Variants in ADRA1A observed in about 807,000 individuals in gnomAD.
The protein encoded by ADRA1A is alpha-1A adrenergic receptor.
In ADRA1A, 31 loss-of-function variants were observed where a neutral mutation model predicts 29.6. The ratio of observed to expected loss-of-function variants is 1.05; its 90% CI spans 0.79 to 1.41. ADRA1A has a LOEUF of 1.41. ADRA1A is among the 40% of genes most tolerant of loss of function. ADRA1A has a pLI of 0.00. For missense variants in ADRA1A, 619 were observed against 601.1 expected (o/e 1.03, Z -0.31); for synonymous variants, 311 against 254.3 (o/e 1.22, Z -2.12).
chr8:26,792,752 C>G (rs999735461), intron 2 of ADRA1A, among the ~76,000 whole-genome samples: 2 of 147,238 alleles, frequency 1.4e-5, no homozygotes, highest in African/African-American at 5.1e-5. Context: ...ATTGTTATTA[C>G]CACTATATAA....
At chr8:26,786,176 C>A (rs536408205) in intron 2 of ADRA1A, among the ~76,000 whole-genome samples, 1 of 152,296 alleles carries the variant, frequency 6.6e-6, no homozygotes, top group African/African-American at 2.4e-5. Context: ...CCTGGCCTGC[C>A]TTTCACTCTC....
rs1283738070 is a variant in ADRA1A at position 26,775,981 on chromosome 8, T to C, written c.884-5315A>G. On this transcript the variant is annotated intron_variant, in intron 2 of 2. Coordinates refer to ENST00000380573, the MANE Select transcript of ADRA1A (RefSeq NM_000680.4). This position sits in a 1 kb window ranked among gnomAD's most constrained non-coding sequence, Gnocchi z 4.1. ...CATTGGGAAAATCTGACTTCATTTTTGAACTGGGGCTCATCTAATAGGCTT... is the reference window on the plus strand; with the variant it reads ...CATTGGGAAAATCTGACTTCATTTTCGAACTGGGGCTCATCTAATAGGCTT... Among the ~76,000 whole-genome samples the C allele has an allele frequency of 6.6e-6, 1 of 152,224 alleles. No individual in the cohort carries two copies. The highest frequency in any genetic ancestry group is 6.5e-5 in the Admixed American group (1 of 15,280).
chr8:26,839,409 C>T (rs537529732), intron 2 of ADRA1A, among the ~76,000 whole-genome samples: 11 of 152,220 alleles, frequency 7.2e-5, no homozygotes, highest in African/African-American at 2.4e-4. Flanking sequence ...CCACCTGCCT[C>T]GGCCCCCCAA....
At chr8:26,757,512 T>TCCCCCCCCC (rs1428337716) in intron 2 of ADRA1A, among the ~76,000 whole-genome samples, 1 of 147,484 alleles carries the variant, frequency 6.8e-6, no homozygotes, top group African/African-American at 2.6e-5. Context: ...TGCTTCCATT[T>TCCCCCCCCC]CCCCCACCCC....
In ADRA1A at chr8:26,846,494, C is replaced by A. The variant is rs181976923; in HGVS notation, c.883+17593G>T. On this transcript the variant is annotated intron_variant, in intron 2 of 2. Coordinates refer to ENST00000380573, the MANE Select transcript of ADRA1A (RefSeq NM_000680.4). ...TGACAGAAAGAGATCTTGGGCCAGG[C>A]GCAGTGGCTCATGCCTGTAATCCTA... Among the ~76,000 whole-genome samples the A allele has an allele frequency of 2.0e-5, 3 of 152,144 alleles. No homozygotes were observed. The East Asian group carries it at 5.8e-4, about 29-fold the overall frequency.
At position 26,775,288 on chromosome 8, in the gene ADRA1A, G is replaced by A. The variant is rs61760529; in HGVS notation, c.884-4622C>T. On this transcript the variant is annotated intron_variant, in intron 2 of 2. Transcript: ENST00000380573. The surrounding 1 kb of genome is among the most constrained non-coding windows in gnomAD (Gnocchi z 4.1). ...AGTGTGGCTTGGTTTTCTTTTCTGC[G>A]TGATGGCTGTAGCCTCATATTATCT... Among the ~76,000 whole-genome samples, 19 of 152,136 alleles carry A rather than the reference G, an allele frequency of 1.2e-4. No individual in the cohort carries two copies. The highest frequency in any genetic ancestry group is 2.1e-4 in the Non-Finnish European group (14 of 68,034).
chr8:26,847,824 C>A (rs1342824262), intron 2 of ADRA1A, among the ~76,000 whole-genome samples: 2 of 152,208 alleles, frequency 1.3e-5, no homozygotes, highest in African/African-American at 4.8e-5. Flanking sequence ...AGAGAGCAAC[C>A]TGTGCTCCAG....
intron 2 of ADRA1A, among the ~76,000 whole-genome samples, chr8:26,819,580 G>A (rs1810011739): frequency 6.6e-6 from 1 of 152,092 alleles, no homozygotes; most frequent in African/African-American, 2.4e-5. Context: ...TAAGATGTTT[G>A]ATGTAAGCTT....
chr8:26,792,848 T>C (rs536011187), intron 2 of ADRA1A, among the ~76,000 whole-genome samples: 3 of 149,966 alleles, frequency 2.0e-5, no homozygotes, highest in South Asian at 2.1e-4. Context: ...CTTTCATGAG[T>C]AAAATTAAGT....
At chr8:26,857,481 A>G (rs1813134844) in intron 2 of ADRA1A, among the ~76,000 whole-genome samples, 1 of 152,136 alleles carries the variant, frequency 6.6e-6, no homozygotes, top group Non-Finnish European at 1.5e-5. Context: ...AGCCTGGACA[A>G]CACAGCAAGA....
intron 2 of ADRA1A, among the ~76,000 whole-genome samples, chr8:26,807,922 C>T (rs1309673485): frequency 6.6e-6 from 1 of 152,166 alleles, no homozygotes; most frequent in African/African-American, 2.4e-5. Flanking sequence ...TCACCTCCTG[C>T]TCCTCTTTGG....
At chr8:26,811,534 A>G (rs1017318371) in intron 2 of ADRA1A, among the ~76,000 whole-genome samples, 2 of 152,190 alleles carry the variant, frequency 1.3e-5, no homozygotes, top group East Asian at 1.9e-4. Flanking sequence ...ATTTACACCA[A>G]TCTCTCCTTG....
At chr8:26,847,779 C>T (rs1357381636) in intron 2 of ADRA1A, among the ~76,000 whole-genome samples, 1 of 152,176 alleles carries the variant, frequency 6.6e-6, no homozygotes, top group East Asian at 1.9e-4. Context: ...CTTCTGATAC[C>T]ATTTAATGAG....
intron 2 of ADRA1A, among the ~76,000 whole-genome samples, chr8:26,780,362 G>T (rs966093025): frequency 1.3e-5 from 2 of 152,092 alleles, no homozygotes; most frequent in East Asian, 1.9e-4. Flanking sequence ...TCTTCCTGCC[G>T]CAGTAGACTT....
intron 2 of ADRA1A, among the ~76,000 whole-genome samples, chr8:26,810,496 G>T (rs1168548345): frequency 6.6e-6 from 1 of 152,182 alleles, no homozygotes; most frequent in Admixed American, 6.5e-5. Flanking sequence ...CTTAGTTGAA[G>T]GTAACAGTAT....
At chr8:26,779,695 G>T (rs929113780) in intron 2 of ADRA1A, among the ~76,000 whole-genome samples, 2 of 152,130 alleles carry the variant, frequency 1.3e-5, no homozygotes, top group Non-Finnish European at 2.9e-5. Context: ...GAAAGGAGGG[G>T]TGGGAGGAGA....
chr8:26,800,590 A>G (rs1316604207), intron 2 of ADRA1A, among the ~76,000 whole-genome samples: 3 of 152,176 alleles, frequency 2.0e-5, no homozygotes, highest in Non-Finnish European at 4.4e-5. Flanking sequence ...ATAACAAGTA[A>G]TAATATCAAA....
chr8:26,794,216 C>A (rs1169761363), intron 2 of ADRA1A, among the ~76,000 whole-genome samples: 1 of 152,026 alleles, frequency 6.6e-6, no homozygotes, highest in Non-Finnish European at 1.5e-5. Context: ...GAAGTTGTTA[C>A]CTGAGGTGGC....
At position 26,864,093 on chromosome 8, in the gene ADRA1A, G is replaced by T. The variant is rs148938279; in HGVS notation, c.877C>A (p.Pro293Thr). 2 of 1,612,752 alleles carry T rather than the reference G, an allele frequency of 1.2e-6. No individual in the cohort carries two copies. Among genetic ancestry groups the T allele is most frequent in the South Asian group, 1.1e-5 (1 of 90,852 alleles). ...LCWLPFFLVM[P>T]IGSFFPDFKP... ...AGGGGTGTTCAAGACTTACCAATGG[G>T]CATGACTAAGAAAAAAGGCAGCCAG... Residue 293 changes from proline (P) to threonine (T), a missense_variant, in exon 2 of 3, where the codon CCC (proline) becomes ACC (threonine). Coordinates refer to ENST00000380573, the MANE Select transcript of ADRA1A (RefSeq NM_000680.4). The surrounding 1 kb of genome is among the most constrained non-coding windows in gnomAD (Gnocchi z 8.1).
Sources: allele counts gnomAD v4.1 joint callset (sites outside exome capture counted in the v4.1 genomes callset), GRCh38; gene constraint gnomAD v4.1.1; non-coding constraint Gnocchi (gnomAD v3.1); transcripts MANE v1.5; gene names NCBI Gene and HGNC (gene_info 2026-07-23, HGNC 2026-07-21).